The following PCDHGA3 variants were observed in gnomAD, a reference collection of about 807,000 sequenced individuals.
The protein encoded by PCDHGA3 is protocadherin gamma-A3.
In PCDHGA3, 40 loss-of-function variants were observed where a neutral mutation model predicts 58.5. That is an observed-to-expected ratio of 0.68 (90% CI 0.53 to 0.89). The LOEUF (loss-of-function observed/expected upper bound fraction) is 0.89, where lower values mean the gene tolerates loss of function less well. Ranked by LOEUF, PCDHGA3 falls within the 40% of genes least tolerant of loss-of-function variation. The probability of loss-of-function intolerance (pLI) is 0.00; values close to 1 mark genes in which losing one functional copy is unlikely to be tolerated. For synonymous variants in PCDHGA3, 530 were observed against 525.7 expected (o/e 1.01, Z -0.11); for missense variants, 1,223 against 1,195.9 (o/e 1.02, Z -0.33).
At chr5:141,360,213 C>CG (rs1458385233) in intron 1 of PCDHGA3, 10 of 1,613,128 alleles carry the variant, frequency 6.2e-6, no homozygotes, top group Middle Eastern at 1.7e-4. Flanking sequence ...CTTTGTTCCC[C>CG]GGGGCTCTCC....
At chr5:141,381,782 A>G (rs940671211) in intron 1 of PCDHGA3, among the ~76,000 whole-genome samples, 1 of 150,898 alleles carries the variant, frequency 6.6e-6, no homozygotes, top group African/African-American at 2.5e-5. Context: ...AATCAGGAAC[A>G]AGGCAAGGCA....
At chr5:141,434,193 T>C (rs2097677103) in intron 1 of PCDHGA3, among the ~76,000 whole-genome samples, 1 of 152,246 alleles carries the variant, frequency 6.6e-6, no homozygotes, top group Non-Finnish European at 1.5e-5. Flanking sequence ...GTAATTCCAA[T>C]GTACTTACTT....
Position 141,412,905 on chromosome 5 carries a change from A to G in PCDHGA3, c.2424+66448A>G, listed in dbSNP as rs145108034. The stretch of plus-strand genomic sequence containing the variant: ...AACAGAATAGTTTACTTTCCATTGC[A>G]TGTATCACTTGGGTGCAGTAACTTC... On this transcript the variant is annotated intron_variant, in intron 1 of 3. Coordinates refer to ENST00000253812, the MANE Select transcript of PCDHGA3 (RefSeq NM_018916.4). 1.3e-3 allele frequency: 513 copies of G among 382,556 alleles called. 6 individuals are homozygous for G. The East Asian group carries it at 0.015, about 11-fold the overall frequency. 23.7% of individuals were successfully genotyped at this position (382,556 alleles called of 1,614,324 possible).
intron 1 of PCDHGA3, chr5:141,351,135 C>A: frequency 6.2e-7 from 1 of 1,614,038 alleles, no homozygotes; most frequent in South Asian, 1.1e-5. Flanking sequence ...AATCTCAATC[C>A]AAATACTGGC....
chr5:141,369,104 T>C (rs571749140), intron 1 of PCDHGA3, among the ~76,000 whole-genome samples: 2 of 152,282 alleles, frequency 1.3e-5, no homozygotes, highest in South Asian at 2.1e-4. Context: ...GAAAATGGAA[T>C]TAAAACTGTA....
rs201021035 is a variant in PCDHGA3 at position 141,398,584 on chromosome 5, A to G, written c.2424+52127A>G. 8.7e-5 allele frequency: 141 copies of G among 1,614,066 alleles called. 1 individual carries two copies. In the African/African-American group the frequency reaches 1.0e-3, roughly 12 times the overall value. ...GTCTGCACAGCCTGGCACAAGATTT[A>G]TACTAGAAGTAGCAGAAGATGCAGA... On this transcript the variant is annotated intron_variant, in intron 1 of 3. Transcript: ENST00000253812.
At chr5:141,394,159 C>T in intron 1 of PCDHGA3, 1 of 1,613,916 alleles carries the variant, frequency 6.2e-7, no homozygotes, top group Non-Finnish European at 8.5e-7. Context: ...AACGACAACC[C>T]TCCTACTTTC....
At chr5:141,375,830 G>C in intron 1 of PCDHGA3, 1 of 1,614,152 alleles carries the variant, frequency 6.2e-7, no homozygotes, top group South Asian at 1.1e-5. Context: ...CCGCTCCGCA[G>C]AGCCCGGCTA....
In PCDHGA3 at chr5:141,389,412, G is replaced by A. The variant is rs1039259671; in HGVS notation, c.2424+42955G>A. 5 of 1,613,588 alleles carry A rather than the reference G, an allele frequency of 3.1e-6. No individual in the cohort carries two copies. Among genetic ancestry groups the A allele is most frequent in the Admixed American group, 3.3e-5 (2 of 60,038 alleles). On this transcript the variant is annotated intron_variant, in intron 1 of 3. Transcript: ENST00000253812. ...CTACGTGTCCATAAGCGCGGAGAGC[G>A]GGGTGGTGTTCGCGCAGCGCGCCTT...
intron 1 of PCDHGA3, chr5:141,412,017 A>C (rs914087284): frequency 1.4e-5 from 2 of 146,532 alleles, no homozygotes; most frequent in African/African-American, 5.3e-5. Context: ...ACTTCTGAAC[A>C]TCCTGTTCTC....
chr5:141,413,989 G>C, intron 1 of PCDHGA3: 1 of 1,613,400 alleles, frequency 6.2e-7, no homozygotes, highest in East Asian at 2.2e-5. Context: ...CACAGCCACC[G>C]ACAGGGACGA....
intron 1 of PCDHGA3, chr5:141,355,265 T>A: frequency 6.2e-7 from 1 of 1,613,204 alleles, no homozygotes; most frequent in Non-Finnish European, 8.5e-7. Context: ...CTCCTGGGGG[T>A]TCTGGTGGAA....
chr5:141,420,364 A>G (rs942479456), intron 1 of PCDHGA3: 8 of 1,368,440 alleles, frequency 5.8e-6, no homozygotes, highest in African/African-American at 3.0e-5. Flanking sequence ...ATTCTAGATA[A>G]CTTCTTCATA....
At chr5:141,423,980 G>A (rs2154550577) in intron 1 of PCDHGA3, 1 of 1,110,878 alleles carries the variant, frequency 9.0e-7, no homozygotes, top group South Asian at 4.5e-5. Flanking sequence ...AGTGTATGAG[G>A]CTCTCAATTT....
chr5:141,498,531 G>A (rs1384404653), intron 2 of PCDHGA3, among the ~76,000 whole-genome samples: 3 of 148,544 alleles, frequency 2.0e-5, no homozygotes, highest in Non-Finnish European at 4.4e-5. Context: ...CTGCCCTCCA[G>A]CCTGGTCTGG....
chr5:141,421,338 A>G (rs560707757), intron 1 of PCDHGA3: 2 of 1,613,966 alleles, frequency 1.2e-6, no homozygotes, highest in Non-Finnish European at 1.7e-6. Context: ...ATTCGGTGCC[A>G]GAAGAGACCG....
intron 1 of PCDHGA3, among the ~76,000 whole-genome samples, chr5:141,444,558 T>C (rs2098440789): frequency 6.6e-6 from 1 of 152,190 alleles, no homozygotes; most frequent in African/African-American, 2.4e-5. Context: ...AAGGCACTTA[T>C]TTGACACTTT....
At chr5:141,409,396 C>A in intron 1 of PCDHGA3, 1 of 1,614,004 alleles carries the variant, frequency 6.2e-7, no homozygotes, top group Non-Finnish European at 8.5e-7. Flanking sequence ...ATTCTTCTTC[C>A]AATAACTACT....
rs1757778136 is a variant in PCDHGA3 at position 141,346,615 on chromosome 5, C to T, written c.2424+158C>T. On this transcript the variant is annotated intron_variant, in intron 1 of 3. Coordinates refer to ENST00000253812, the MANE Select transcript of PCDHGA3 (RefSeq NM_018916.4). ...CTTTCTTTCTGGGCCTATAGTAGGACTGCACTCCCCGGTCTGGTTATGGTT... is the reference window on the plus strand; with the variant it reads ...CTTTCTTTCTGGGCCTATAGTAGGATTGCACTCCCCGGTCTGGTTATGGTT... 3.7e-6 allele frequency: 4 copies of T among 1,090,316 alleles called. No individual in the cohort carries two copies. In the South Asian group the frequency reaches 6.7e-5, roughly 18 times the overall value. The allele number at this position is 1,090,316 out of a possible 1,614,324, so 67.5% of individuals were successfully genotyped here.
Sources: allele counts gnomAD v4.1 joint callset (sites outside exome capture counted in the v4.1 genomes callset), GRCh38; gene constraint gnomAD v4.1.1; transcripts MANE v1.5; gene names NCBI Gene and HGNC (gene_info 2026-07-23, HGNC 2026-07-21).